ZFAND3: variants seen among roughly 807,000 people sequenced by gnomAD.
ZFAND3 encodes zinc finger AN1-type containing 3.
A neutral mutation model predicts 29.6 loss-of-function variants in ZFAND3; 10 were observed. The observed-to-expected ratio is 0.34, with a 90% CI of 0.21 to 0.57. The LOEUF is 0.57. Ranked by LOEUF, ZFAND3 falls within the 20% of genes least tolerant of loss-of-function variation. ZFAND3 has a pLI of 0.86. For synonymous variants in ZFAND3, 128 were observed against 112.6 expected (o/e 1.14, Z -0.87); for missense variants, 230 against 304.5 (o/e 0.76, Z 1.82).
chr6:38,071,920 G>A (rs1265350780), intron 3 of ZFAND3, among the ~76,000 whole-genome samples: 1 of 152,100 alleles, frequency 6.6e-6, no homozygotes, highest in African/African-American at 2.4e-5. Context: ...CCTACTTTAT[G>A]TGTTTTGATA....
chr6:38,023,650 A>G (rs552732206), intron 2 of ZFAND3, among the ~76,000 whole-genome samples: 1 of 152,310 alleles, frequency 6.6e-6, no homozygotes, highest in South Asian at 2.1e-4. Flanking sequence ...CATGAGGAAA[A>G]TATTCAAATG....
At chr6:37,998,210 C>T (rs567784762) in intron 2 of ZFAND3, among the ~76,000 whole-genome samples, 2 of 152,252 alleles carry the variant, frequency 1.3e-5, no homozygotes, top group East Asian at 3.9e-4. Flanking sequence ...AAAAAGGCTG[C>T]ATTCTATATA....
At chr6:38,018,071 T>C (rs1255319413) in intron 2 of ZFAND3, among the ~76,000 whole-genome samples, 1 of 152,228 alleles carries the variant, frequency 6.6e-6, no homozygotes, top group African/African-American at 2.4e-5. Flanking sequence ...GTGCCAGTTA[T>C]CTTAATATAA....
chr6:38,042,313 CTTTT>C (rs35136153), intron 2 of ZFAND3, among the ~76,000 whole-genome samples: 4 of 91,890 alleles, frequency 4.4e-5, no homozygotes, highest in Non-Finnish European at 4.7e-5. Flanking sequence ...CTTGAGCTTG[CTTTT>C]TTTTTTTTTT....
At chr6:38,074,586 A>G (rs1185018194) in intron 3 of ZFAND3, among the ~76,000 whole-genome samples, 2 of 152,256 alleles carry the variant, frequency 1.3e-5, no homozygotes, top group African/African-American at 4.8e-5. Context: ...AGCCATCTCC[A>G]TAAAAGTGCA....
At chr6:37,837,689 T>C (rs1404101662) in intron 1 of ZFAND3, among the ~76,000 whole-genome samples, 1 of 152,002 alleles carries the variant, frequency 6.6e-6, no homozygotes, top group Admixed American at 6.6e-5. Context: ...GTATTTTTAA[T>C]AGAGACAGGG....
intron 2 of ZFAND3, among the ~76,000 whole-genome samples, chr6:38,021,570 T>A (rs1763349891): frequency 6.6e-6 from 1 of 152,216 alleles, no homozygotes; most frequent in Non-Finnish European, 1.5e-5. Context: ...CTTCTTCCAA[T>A]CAGCAACGAA....
intron 2 of ZFAND3, among the ~76,000 whole-genome samples, chr6:38,015,549 C>A (rs565135984): frequency 1.3e-5 from 2 of 152,316 alleles, no homozygotes; most frequent in Non-Finnish European, 2.9e-5. Flanking sequence ...AGCCAACTCT[C>A]CAGCAGCAAG....
In ZFAND3 at chr6:37,840,336, C is replaced by A. The variant is rs370632693; in HGVS notation, c.71+20320C>A. 2.0e-5 allele frequency among the ~76,000 whole-genome samples: 3 copies of A among 152,050 alleles called. No individual in the cohort carries two copies. The East Asian group carries it at 5.8e-4, about 29-fold the overall frequency. ...CTGGTCTTGAACTCTTGAGCTCAAG[C>A]AATCCGCCTGCTTCAGGCTCCCAAA... On this transcript the variant is annotated intron_variant, in intron 1 of 5. Coordinates refer to ENST00000287218, the MANE Select transcript of ZFAND3 (RefSeq NM_021943.3).
intron 2 of ZFAND3, among the ~76,000 whole-genome samples, chr6:38,051,564 A>T (rs1460635685): frequency 6.6e-6 from 1 of 152,234 alleles, no homozygotes; most frequent in African/African-American, 2.4e-5. Context: ...ACCAAGGATC[A>T]ACTGTAAACA....
chr6:38,030,101 T>G (rs928099650), intron 2 of ZFAND3, among the ~76,000 whole-genome samples: 1 of 97,556 alleles, frequency 1.0e-5, no homozygotes, highest in African/African-American at 3.9e-5. Flanking sequence ...TATATATATA[T>G]AGCCTGAGAA....
chr6:38,149,308 A>G (rs555888285), intron 5 of ZFAND3, among the ~76,000 whole-genome samples: 1 of 150,906 alleles, frequency 6.6e-6, no homozygotes, highest in South Asian at 2.1e-4. Flanking sequence ...GCTACTGGGG[A>G]GGCTGAAGCA....
intron 5 of ZFAND3, among the ~76,000 whole-genome samples, chr6:38,137,617 A>G (rs577093773): frequency 5.9e-5 from 9 of 152,312 alleles, no homozygotes; most frequent in African/African-American, 2.2e-4. Flanking sequence ...ACAGATAAAC[A>G]AGGTAATTTC....
intron 2 of ZFAND3, among the ~76,000 whole-genome samples, chr6:38,058,066 ACTTGAAAGTAC>A (rs1764165674): frequency 6.6e-6 from 1 of 152,188 alleles, no homozygotes; most frequent in Non-Finnish European, 1.5e-5. Flanking sequence ...ACAAAAGAGA[ACTTGAAAGTAC>A]CTGAGCATCA....
At chr6:38,129,786 T>G (rs1251750175) in intron 5 of ZFAND3, among the ~76,000 whole-genome samples, 1 of 144,324 alleles carries the variant, frequency 6.9e-6, no homozygotes, top group African/African-American at 2.7e-5. Flanking sequence ...TATTTAGACT[T>G]GCTTTGGATA....
chr6:38,073,336 GAAAAA>G (rs569460054), intron 3 of ZFAND3, among the ~76,000 whole-genome samples: 1 of 117,942 alleles, frequency 8.5e-6, no homozygotes, highest in South Asian at 3.0e-4. Flanking sequence ...AACTATGTTT[GAAAAA>G]AAAAAAAAAA....
chr6:38,023,865 A>G (rs1763397275), intron 2 of ZFAND3, among the ~76,000 whole-genome samples: 5 of 152,172 alleles, frequency 3.3e-5, no homozygotes, highest in Non-Finnish European at 7.3e-5. Context: ...GCCAATTTTT[A>G]AAAGCAGGTT....
chr6:37,900,148 A>T lies in ZFAND3; in HGVS notation c.72-29811A>T, dbSNP rs143045909. Among the ~76,000 whole-genome samples the T allele has an allele frequency of 2.2e-4, 33 of 152,248 alleles. 1 individual carries two copies. In the East Asian group the frequency reaches 6.4e-3, roughly 29 times the overall value. On this transcript the variant is annotated intron_variant, in intron 1 of 5. Coordinates refer to ENST00000287218, the MANE Select transcript of ZFAND3 (RefSeq NM_021943.3). Reference sequence around the variant, plus strand: ...ATTACCAATCTTGTTTTAACTGTTTAACTGTGATTTAGTTATGTAACTATT... The same window carrying T: ...ATTACCAATCTTGTTTTAACTGTTTTACTGTGATTTAGTTATGTAACTATT...
At chr6:37,965,316 G>A (rs888354753) in intron 2 of ZFAND3, among the ~76,000 whole-genome samples, 2 of 152,060 alleles carry the variant, frequency 1.3e-5, no homozygotes, top group Admixed American at 6.6e-5. Context: ...TTTCCAGACC[G>A]GCACTGATCT....
Sources: allele counts gnomAD v4.1 joint callset (sites outside exome capture counted in the v4.1 genomes callset), GRCh38; gene constraint gnomAD v4.1.1; transcripts MANE v1.5; gene names NCBI Gene and HGNC (gene_info 2026-07-23, HGNC 2026-07-21).